Variants in ANKIB1 observed in about 807,000 individuals in gnomAD.
ANKIB1 encodes the protein ankyrin repeat and IBR domain containing 1.
Under a neutral mutation model 122.1 loss-of-function variants are expected in ANKIB1, and 43 were observed. That is an observed-to-expected ratio of 0.35 (90% confidence interval 0.28 to 0.45). ANKIB1 has a LOEUF of 0.45. ANKIB1 is among the 20% of genes least tolerant of loss of function. The pLI is 1.00. For synonymous variants in ANKIB1, 390 were observed against 442.0 expected (o/e 0.88, Z 1.48); for missense variants, 992 against 1,329.5 (o/e 0.75, Z 3.95).
intron 1 of ANKIB1, among the ~76,000 whole-genome samples, chr7:92,259,794 C>T (rs1801522240): frequency 1.3e-5 from 2 of 152,156 alleles, no homozygotes; most frequent in Non-Finnish European, 2.9e-5. Flanking sequence ...GTGGTAACCC[C>T]TTGCTTCCAG....
At chr7:92,264,071 C>G (rs117367439) in intron 1 of ANKIB1, among the ~76,000 whole-genome samples, 1 of 151,874 alleles carries the variant, frequency 6.6e-6, no homozygotes, top group South Asian at 2.1e-4. Context: ...GTATGATTAA[C>G]CATCACTTAT....
intron 4 of ANKIB1, among the ~76,000 whole-genome samples, chr7:92,324,617 A>G (rs1802985712): frequency 6.6e-6 from 1 of 152,144 alleles, no homozygotes; most frequent in Non-Finnish European, 1.5e-5. Flanking sequence ...CTTCTGGATT[A>G]TTTTGCCTAT....
intron 6 of ANKIB1, among the ~76,000 whole-genome samples, 199 bp from the exon 7 acceptor site, chr7:92,344,779 A>T (rs1803505645): frequency 1.3e-5 from 2 of 152,218 alleles, no homozygotes. Flanking sequence ...TTTAAATCCC[A>T]CTTTTATTTA....
intron 1 of ANKIB1, among the ~76,000 whole-genome samples, chr7:92,290,370 AGTGTGTGTGT>A (rs34404682): frequency 9.9e-5 from 14 of 141,330 alleles, no homozygotes; most frequent in Non-Finnish European, 1.9e-4. Context: ...TATGTATGAA[AGTGTGTGTGT>A]GTGTGTGTGT....
chr7:92,386,380 C>T, intron 11 of ANKIB1, 129 bp from the exon 12 acceptor site: 1 of 1,017,486 alleles, frequency 9.8e-7, no homozygotes, highest in Non-Finnish European at 1.4e-6. Flanking sequence ...TAGGGCATGT[C>T]TTTGAGAAGA....
At chr7:92,351,165 TTTTC>T (rs770465128) in intron 8 of ANKIB1, 71 bp downstream of exon 8, 1 of 1,252,990 alleles carries the variant, frequency 8.0e-7, no homozygotes, top group Non-Finnish European at 1.0e-6. Context: ...TAACATTATT[TTTTC>T]TTTTTGTTTT....
chr7:92,282,243 C>T (rs1193342592), intron 1 of ANKIB1, among the ~76,000 whole-genome samples: 1 of 151,918 alleles, frequency 6.6e-6, no homozygotes, highest in Non-Finnish European at 1.5e-5. Flanking sequence ...ACCCTCCGCT[C>T]CCCAGGCTCA....
chr7:92,269,263 G>A (rs1345899062), intron 1 of ANKIB1, among the ~76,000 whole-genome samples: 3 of 152,162 alleles, frequency 2.0e-5, no homozygotes, highest in African/African-American at 7.2e-5. Flanking sequence ...GTTTTCTTAG[G>A]TGAGGGCTAT....
rs190005054 is a variant in ANKIB1 at position 92,272,780 on chromosome 7, A to G, written c.-90-22109A>G. ...AATGGGGATACATTTTGAGAAATAC[A>G]TCATTAGATGATTTTGTCATGTGAA... On this transcript the variant is annotated intron_variant, in intron 1 of 19. Transcript: ENST00000265742. Among the ~76,000 whole-genome samples, 37 of 152,356 alleles carry G rather than the reference A, an allele frequency of 2.4e-4. 1 individual carries two copies. The East Asian group carries it at 6.7e-3, about 28-fold the overall frequency.
chr7:92,344,193 G>GTTTTTTTTTTTTT (rs67933063), intron 6 of ANKIB1, among the ~76,000 whole-genome samples: 1 of 97,674 alleles, frequency 1.0e-5, no homozygotes, highest in African/African-American at 4.2e-5. Flanking sequence ...TGTGTTTTTG[G>GTTTTTTTTTTTTT]TTTTTTTTTT....
At chr7:92,352,783 T>G (rs1803694930) in intron 9 of ANKIB1, 141 bp downstream of exon 9, 3 of 888,896 alleles carry the variant, frequency 3.4e-6, no homozygotes, top group African/African-American at 3.4e-5. Context: ...TAAGAAGTAG[T>G]AATAGTTCAT....
chr7:92,363,473 T>C (rs1585126759), intron 10 of ANKIB1, among the ~76,000 whole-genome samples: 1 of 152,118 alleles, frequency 6.6e-6, no homozygotes, highest in East Asian at 1.9e-4. Context: ...GATGCCAGAC[T>C]TCAGGGCATG....
Position 92,307,599 on chromosome 7 carries a change from C to G in ANKIB1, c.429C>G (p.Asn143Lys). Reference sequence around the variant, plus strand: ...GAGCAGCTATTGATGCTGTTGATAACAAAAAAAACACACCCTTGCACTATG... The same window carrying G: ...GAGCAGCTATTGATGCTGTTGATAAGAAAAAAAACACACCCTTGCACTATG... ...YERAAIDAVD[N>K]KKNTPLHYAA... Residue 143 changes from asparagine to lysine, a missense_variant, in exon 3 of 20, where the codon AAC becomes AAG. Transcript: ENST00000265742. 1.2e-6 allele frequency: 2 copies of G among 1,608,272 alleles called. No individual in the cohort carries two copies. The highest frequency in any genetic ancestry group is 1.7e-6 in the Non-Finnish European group (2 of 1,178,366).
At chr7:92,332,212 A>G (rs1003125334) in intron 5 of ANKIB1, among the ~76,000 whole-genome samples, 2 of 152,240 alleles carry the variant, frequency 1.3e-5, no homozygotes, top group Non-Finnish European at 2.9e-5. Flanking sequence ...ATGACATTTG[A>G]TAAGCAAATA....
intron 1 of ANKIB1, among the ~76,000 whole-genome samples, chr7:92,248,021 G>A (rs191418866): frequency 7.2e-5 from 11 of 152,338 alleles, no homozygotes; most frequent in Admixed American, 7.2e-4. Context: ...ACTTAGCACA[G>A]AAGCCAAGCA....
intron 2 of ANKIB1, among the ~76,000 whole-genome samples, chr7:92,303,638 A>G (rs774010210): frequency 5.3e-5 from 8 of 152,148 alleles, no homozygotes; most frequent in Non-Finnish European, 1.5e-5. Flanking sequence ...GTAAAAGAGA[A>G]GTTGTTGTAC....
chr7:92,260,960 A>G (rs1801549426), intron 1 of ANKIB1, among the ~76,000 whole-genome samples: 1 of 152,186 alleles, frequency 6.6e-6, no homozygotes, highest in African/African-American at 2.4e-5. Context: ...CTGTAACTCT[A>G]GCGTAGACTA....
rs1411667141 is a variant in ANKIB1, at chr7:92,364,359, G to A, written c.1486+2086G>A. Reference sequence around the variant, plus strand: ...AAAAAAGCCTTTATAGATTGTGTTTGTTCCCCAGATTCATTGTACTAGCCA... The same window carrying A: ...AAAAAAGCCTTTATAGATTGTGTTTATTCCCCAGATTCATTGTACTAGCCA... On this transcript the variant is annotated intron_variant, in intron 10 of 19. Transcript: ENST00000265742. Among the ~76,000 whole-genome samples, 6 of 115,072 alleles carry A rather than the reference G, an allele frequency of 5.2e-5. No homozygotes were observed. In the South Asian group the frequency reaches 1.6e-3, roughly 31 times the overall value. 75.5% of individuals were successfully genotyped at this position (115,072 alleles called of 152,430 possible). A position where few individuals can be genotyped will look rare whatever the true frequency, so the allele number is the denominator to read the frequency against.
At chr7:92,335,885 C>A (rs576204816) in intron 5 of ANKIB1, among the ~76,000 whole-genome samples, 12 of 151,908 alleles carry the variant, frequency 7.9e-5, no homozygotes, top group Non-Finnish European at 1.8e-4. Context: ...GTTGAATAAT[C>A]TTGGCATTTG....
Sources: gnomAD v4.1 joint callset for allele counts (sites outside exome capture counted in the v4.1 genomes callset) on GRCh38, gnomAD v4.1.1 for gene constraint, MANE v1.5 for transcripts, NCBI Gene and HGNC (gene_info 2026-07-23, HGNC 2026-07-21) for gene names.